Variants in INO80 observed in about 807,000 individuals in gnomAD.
The protein encoded by INO80 is chromatin-remodeling ATPase INO80.
In INO80, 20 loss-of-function variants were observed where a neutral mutation model predicts 203.4. The observed-to-expected ratio is 0.10, with a 90% CI of 0.07 to 0.14. The LOEUF is 0.14. INO80 is among the 10% of genes least tolerant of loss of function. INO80 has a pLI of 1.00. For missense variants in INO80, 1,419 were observed against 1,914.4 expected, an observed-to-expected ratio of 0.74 and a Z score of 4.83; for synonymous variants, 726 against 685.2, an observed-to-expected ratio of 1.06 and a Z score of -0.93.
intron 5 of INO80, among the ~76,000 whole-genome samples, chr15:41,089,421 A>G (rs1439593009): frequency 6.6e-6 from 1 of 152,136 alleles, no homozygotes; most frequent in Admixed American, 6.5e-5. Context: ...CAAATATACT[A>G]TTGCTCATTA....
At chr15:41,086,637 C>T (rs1178575824) in intron 6 of INO80, among the ~76,000 whole-genome samples, 1 of 147,166 alleles carries the variant, frequency 6.8e-6, no homozygotes, top group East Asian at 2.0e-4. Context: ...GGTGACAGAG[C>T]GAGACTCCAT....
intron 24 of INO80, among the ~76,000 whole-genome samples, chr15:41,029,456 C>T (rs751841115): frequency 6.6e-6 from 1 of 152,178 alleles, no homozygotes; most frequent in East Asian, 1.9e-4. Flanking sequence ...AGCTATTTTC[C>T]AGGATAGCTG....
At chr15:41,017,370 T>TA (rs1443376901) in intron 26 of INO80, 1 of 152,022 alleles carries the variant, frequency 6.6e-6, no homozygotes, top group African/African-American at 2.4e-5. Context: ...AGGGGTTGGG[T>TA]AAGAGTATAT....
intron 28 of INO80, among the ~76,000 whole-genome samples, chr15:40,997,864 A>G (rs1022889237): frequency 3.9e-5 from 6 of 152,216 alleles, no homozygotes; most frequent in African/African-American, 1.4e-4. Flanking sequence ...AAGTATAAAC[A>G]TGTAGCAAAT....
At chr15:41,024,091 T>C (rs539467358) in intron 25 of INO80, among the ~76,000 whole-genome samples, 27 of 152,204 alleles carry the variant, frequency 1.8e-4, no homozygotes, top group African/African-American at 6.0e-4. Context: ...GTTATAAACT[T>C]TCATCTATTT....
At chr15:41,072,916 G>A (rs2045345965) in intron 11 of INO80, among the ~76,000 whole-genome samples, 1 of 151,758 alleles carries the variant, frequency 6.6e-6, no homozygotes. Flanking sequence ...GAGTAGCTGG[G>A]ACTACAAGCG....
At chr15:41,036,173 A>AC (rs1409568241) in intron 24 of INO80, among the ~76,000 whole-genome samples, 2 of 149,574 alleles carry the variant, frequency 1.3e-5, no homozygotes, top group South Asian at 2.1e-4. Context: ...AAAAAAAAAA[A>AC]AAAAAAAAAA....
intron 35 of INO80, among the ~76,000 whole-genome samples, chr15:40,982,073 G>C (rs538781696): frequency 6.6e-6 from 1 of 152,336 alleles, no homozygotes; most frequent in East Asian, 1.9e-4. Context: ...TTGCTGTTAA[G>C]AGTACTGCAT....
rs572481309 is a variant in INO80, at chr15:41,045,023, G to A, written c.2788C>T (p.Arg930Cys). The A allele has an allele frequency of 6.2e-6, 10 of 1,613,114 alleles. No homozygotes were observed. The highest frequency in any genetic ancestry group is 1.6e-4 in the Middle Eastern group (1 of 6,082). Residue 930 changes from arginine to cysteine, a missense_variant, in exon 24 of 36, where the codon CGC becomes TGC. Arg to Cys is a radical substitution (Grantham distance 180, BLOSUM62 -3). This residue lies in a region of INO80 where 302 missense variants were observed against 345.4 expected (regional missense o/e 0.87). Transcript: ENST00000648947. ...TCCCCTTCTGGCGCTCCCCAGGAGC[G>A]TAGCTGATGGAGCCTGTAGGAGGCT... ...LKASYRLHQL[R>C]SWGAPEGESH...
At chr15:41,012,478 G>A (rs1442710009) in intron 27 of INO80, among the ~76,000 whole-genome samples, 1 of 149,886 alleles carries the variant, frequency 6.7e-6, no homozygotes, top group Non-Finnish European at 1.5e-5. Context: ...AGGAAGAATT[G>A]CTTGAACCCG....
chr15:41,031,943 C>G (rs944810997), intron 24 of INO80, among the ~76,000 whole-genome samples: 11 of 79,306 alleles, frequency 1.4e-4, no homozygotes, highest in African/African-American at 3.5e-4. Context: ...CACAGCACAG[C>G]ACAGCACAGC....
intron 1 of INO80, among the ~76,000 whole-genome samples, chr15:41,113,612 T>C (rs1270325777): frequency 6.6e-6 from 1 of 152,032 alleles, no homozygotes; most frequent in African/African-American, 2.4e-5. Flanking sequence ...AGCTTATAAT[T>C]AGTTTTGTTT....
intron 1 of INO80, among the ~76,000 whole-genome samples, chr15:41,105,643 T>C (rs1336693213): frequency 6.6e-6 from 1 of 152,196 alleles, no homozygotes; most frequent in Non-Finnish European, 1.5e-5. Flanking sequence ...CTGGAGTACT[T>C]CAAGGAGAAT....
intron 24 of INO80, among the ~76,000 whole-genome samples, chr15:41,044,634 T>G (rs182730464): frequency 6.6e-6 from 1 of 152,264 alleles, no homozygotes; most frequent in Admixed American, 6.5e-5. Flanking sequence ...GTTACACAAG[T>G]GTATACACAT....
At chr15:41,110,798 T>C (rs1038189577) in intron 1 of INO80, among the ~76,000 whole-genome samples, 5 of 152,248 alleles carry the variant, frequency 3.3e-5, no homozygotes, top group Admixed American at 6.5e-5. Context: ...TCTAAAAACA[T>C]GATTGAACTT....
chr15:41,032,037 GCACA>G (rs1566919716), intron 24 of INO80, among the ~76,000 whole-genome samples: 23 of 86,092 alleles, frequency 2.7e-4, no homozygotes, highest in African/African-American at 9.1e-4. Context: ...GCACAGCACA[GCACA>G]GCACAGCACA....
intron 21 of INO80, 88 bp from the exon 22 acceptor site, chr15:41,048,364 CT>C: frequency 2.0e-6 from 2 of 997,234 alleles, no homozygotes; most frequent in African/African-American, 1.6e-5. Flanking sequence ...CAAGTAAAAC[CT>C]TTTAGTTTTG....
chr15:41,047,808 C>T (rs1226038078), intron 22 of INO80, among the ~76,000 whole-genome samples: 1 of 152,154 alleles, frequency 6.6e-6, no homozygotes, highest in Non-Finnish European at 1.5e-5. Flanking sequence ...AAGAAAAGGA[C>T]AGGACAGAGG....
chr15:41,021,513 A>G (rs1566914173), intron 25 of INO80, among the ~76,000 whole-genome samples: 2 of 152,220 alleles, frequency 1.3e-5, no homozygotes, highest in Admixed American at 6.5e-5. Context: ...CCAGAAAGGG[A>G]GCTGCAGCTA....
Sources: gnomAD v4.1 joint callset for allele counts (sites outside exome capture counted in the v4.1 genomes callset) on GRCh38, gnomAD v4.1.1 for gene constraint, gnomAD v4.1.1 regional missense constraint, MANE v1.5 for transcripts, NCBI Gene and HGNC (gene_info 2026-07-23, HGNC 2026-07-21) for gene names.